HS6ST3: variants seen among roughly 807,000 people sequenced by gnomAD.
HS6ST3 encodes the protein heparan sulfate 6-O-sulfotransferase 3.
In HS6ST3, 12 loss-of-function variants were observed where a neutral mutation model predicts 36.7. That is an observed-to-expected ratio of 0.33 (90% CI 0.21 to 0.53). HS6ST3 has a LOEUF of 0.53. Among genes scored for constraint, HS6ST3 ranks in the 20% least tolerant of loss-of-function variants. The probability of loss-of-function intolerance (pLI) is 0.95; values close to 1 mark genes in which losing one functional copy is unlikely to be tolerated. For synonymous variants in HS6ST3, 240 were observed against 257.5 expected (o/e 0.93, Z 0.65); for missense variants, 584 against 640.9 (o/e 0.91, Z 0.96).
chr13:96,395,677 G>A (rs2055417406), intron 1 of HS6ST3, among the ~76,000 whole-genome samples: 1 of 152,132 alleles, frequency 6.6e-6, no homozygotes, highest in Non-Finnish European at 1.5e-5. Flanking sequence ...GGTCTGTGTG[G>A]ACCCCTCTCC....
At chr13:96,179,215 A>C (rs1393753102) in intron 1 of HS6ST3, among the ~76,000 whole-genome samples, 1 of 152,210 alleles carries the variant, frequency 6.6e-6, no homozygotes, top group Admixed American at 6.5e-5. Context: ...AAAGAAATCC[A>C]GACTATATTT....
At chr13:96,118,976 C>T (rs1319483722) in intron 1 of HS6ST3, among the ~76,000 whole-genome samples, 1 of 151,428 alleles carries the variant, frequency 6.6e-6, no homozygotes, top group African/African-American at 2.4e-5. Context: ...TCCCAAAGTG[C>T]TGGGATTACA....
intron 1 of HS6ST3, among the ~76,000 whole-genome samples, chr13:96,273,448 T>G (rs2054731118): frequency 1.3e-5 from 2 of 151,834 alleles, no homozygotes; most frequent in South Asian, 4.2e-4. Context: ...AGCATATAAT[T>G]TTTCATTCCA....
chr13:96,284,897 T>G (rs1397983759), intron 1 of HS6ST3, among the ~76,000 whole-genome samples: 1 of 151,830 alleles, frequency 6.6e-6, no homozygotes, highest in Non-Finnish European at 1.5e-5. Flanking sequence ...GCTTTAAGAT[T>G]GAATGCATAT....
chr13:96,431,294 TAAAG>T (rs1303180550), intron 1 of HS6ST3, among the ~76,000 whole-genome samples: 1 of 151,722 alleles, frequency 6.6e-6, no homozygotes, highest in African/African-American at 2.4e-5. Flanking sequence ...AAAAGGAAAT[TAAAG>T]AAAACAACAT....
intron 1 of HS6ST3, among the ~76,000 whole-genome samples, chr13:96,435,256 CAT>C (rs2055635875): frequency 6.6e-6 from 1 of 152,282 alleles, no homozygotes; most frequent in Admixed American, 6.5e-5. Context: ...CAGAACTTGA[CAT>C]ATTTTTTCCA....
At chr13:96,635,413 T>G (rs765416328) in intron 1 of HS6ST3, among the ~76,000 whole-genome samples, 1 of 152,108 alleles carries the variant, frequency 6.6e-6, no homozygotes, top group Non-Finnish European at 1.5e-5. Context: ...CTGCCTTAGC[T>G]TATGCTGCTC....
chr13:96,564,154 G>A (rs939489035), intron 1 of HS6ST3, among the ~76,000 whole-genome samples: 1 of 152,170 alleles, frequency 6.6e-6, no homozygotes, highest in Admixed American at 6.5e-5. Context: ...TTTCCACAGA[G>A]CATGAGTAAT....
intron 1 of HS6ST3, among the ~76,000 whole-genome samples, chr13:96,164,226 CA>C (rs2054150458): frequency 6.6e-6 from 1 of 152,064 alleles, no homozygotes; most frequent in African/African-American, 2.4e-5. Context: ...AAGCATTCTT[CA>C]AAAAGGGGCA....
At chr13:96,574,181 C>G in intron 1 of HS6ST3, 1 of 521,460 alleles carries the variant, frequency 1.9e-6, no homozygotes, top group Admixed American at 2.0e-5. Context: ...AGAGGGGCTG[C>G]GTAAGCTTTT....
intron 1 of HS6ST3, among the ~76,000 whole-genome samples, chr13:96,783,305 T>TA (rs1877569701): frequency 6.6e-6 from 1 of 152,174 alleles, no homozygotes; most frequent in Non-Finnish European, 1.5e-5. Context: ...CTGCTTTTCT[T>TA]ACTTCTCAAT....
chr13:96,522,721 C>A (rs923432197), intron 1 of HS6ST3, among the ~76,000 whole-genome samples: 1 of 151,846 alleles, frequency 6.6e-6, no homozygotes, highest in Non-Finnish European at 1.5e-5. Flanking sequence ...CTTCATAGAT[C>A]TTCCTCCATC....
intron 1 of HS6ST3, among the ~76,000 whole-genome samples, chr13:96,242,065 G>A (rs2054563284): frequency 6.6e-6 from 1 of 151,962 alleles, no homozygotes; most frequent in Non-Finnish European, 1.5e-5. Context: ...GATTACAGGC[G>A]TGAGCCACCG....
At chr13:96,447,159 T>C (rs1051940810) in intron 1 of HS6ST3, among the ~76,000 whole-genome samples, 11 of 152,134 alleles carry the variant, frequency 7.2e-5, no homozygotes, top group African/African-American at 2.7e-4. Context: ...TTAGTCCTGC[T>C]CAACTAGTTA....
chr13:96,627,658 C>A (rs555730605), intron 1 of HS6ST3, among the ~76,000 whole-genome samples: 1 of 151,812 alleles, frequency 6.6e-6, no homozygotes, highest in East Asian at 1.9e-4. Flanking sequence ...TTATTCAGGC[C>A]TGCTATTTTT....
chr13:96,151,207 C>T (rs1427829536), intron 1 of HS6ST3, among the ~76,000 whole-genome samples: 3 of 152,114 alleles, frequency 2.0e-5, no homozygotes, highest in South Asian at 4.1e-4. Context: ...AGTTTGAGAT[C>T]AGCCTGGACA....
At chr13:96,701,643 A>T (rs994110496) in intron 1 of HS6ST3, among the ~76,000 whole-genome samples, 1 of 152,060 alleles carries the variant, frequency 6.6e-6, no homozygotes, top group African/African-American at 2.4e-5. Context: ...TTAATGAGGG[A>T]GATGAGAAAG....
At chr13:96,332,134 C>T (rs1189511678) in intron 1 of HS6ST3, among the ~76,000 whole-genome samples, 2 of 152,178 alleles carry the variant, frequency 1.3e-5, no homozygotes, top group Admixed American at 6.5e-5. Context: ...GCAGAAATCA[C>T]CTGTCTTCTG....
intron 1 of HS6ST3, among the ~76,000 whole-genome samples, chr13:96,487,890 A>G (rs1194215637): frequency 6.6e-6 from 1 of 152,150 alleles, no homozygotes; most frequent in Non-Finnish European, 1.5e-5. Flanking sequence ...AATTACCTTC[A>G]AAATGTGACT....
Sources: allele counts gnomAD v4.1 joint callset (sites outside exome capture counted in the v4.1 genomes callset), GRCh38; gene constraint gnomAD v4.1.1; transcripts MANE v1.5; gene names NCBI Gene and HGNC (gene_info 2026-07-23, HGNC 2026-07-21).